Variants in POR observed in about 807,000 individuals in gnomAD.
POR encodes the protein cytochrome p450 oxidoreductase, also known as NADPH--cytochrome P450 reductase.
In POR, 56 loss-of-function variants were observed where a neutral mutation model predicts 84.0. The observed-to-expected ratio is 0.67, with a 90% confidence interval of 0.54 to 0.83. The LOEUF is 0.83. POR is among the 40% of genes least tolerant of loss of function. POR has a pLI of 0.00. For missense variants in POR, 938 were observed against 944.3 expected (o/e 0.99, Z 0.09); for synonymous variants, 414 against 400.5 (o/e 1.03, Z -0.40).
In POR at chr7:75,930,774, G is replaced by A. The variant is rs144149216; in HGVS notation, c.-5+15595G>A. On this transcript the variant is annotated intron_variant, in intron 1 of 15. Coordinates refer to ENST00000461988, the MANE Select transcript of POR (RefSeq NM_000941.3). The stretch of plus-strand genomic sequence containing the variant: ...TGACCTCAGGTGATCCGCCCACCTC[G>A]ACCTCCCAGAGTGCTGGGATTACAG... Among the ~76,000 whole-genome samples the A allele has an allele frequency of 9.0e-3, 1,373 of 151,936 alleles. 26 individuals are homozygous for A. Among genetic ancestry groups the A allele is most frequent in the African/African-American group, 0.031 (1,287 of 41,460 alleles).
intron 1 of POR, among the ~76,000 whole-genome samples, chr7:75,916,495 G>T (rs1263895051): frequency 6.6e-6 from 1 of 152,006 alleles, no homozygotes; most frequent in Non-Finnish European, 1.5e-5. Context: ...TTTGGGAGGA[G>T]GGCTGTTTTA....
At chr7:75,967,135 C>A (rs968069877) in intron 2 of POR, among the ~76,000 whole-genome samples, 1 of 152,152 alleles carries the variant, frequency 6.6e-6, no homozygotes, top group Admixed American at 6.5e-5. Flanking sequence ...CCTCTACACC[C>A]GGCTAATTTT....
At chr7:75,916,777 A>C (rs1374010849) in intron 1 of POR, among the ~76,000 whole-genome samples, 3 of 152,192 alleles carry the variant, frequency 2.0e-5, no homozygotes, top group Admixed American at 6.6e-5. Context: ...TCCTGAAAAC[A>C]GCAGCATTGA....
intron 8 of POR, among the ~76,000 whole-genome samples, chr7:75,982,696 A>G (rs1554558300): frequency 6.6e-6 from 1 of 152,212 alleles, no homozygotes; most frequent in African/African-American, 2.4e-5. Context: ...TGTGCCCTTG[A>G]TGGCCCCTGG....
intron 2 of POR, among the ~76,000 whole-genome samples, chr7:75,970,226 C>G (rs1297292880): frequency 1.3e-5 from 2 of 152,018 alleles, no homozygotes; most frequent in African/African-American, 2.4e-5. Flanking sequence ...TTCTAATTAT[C>G]CTTATTGTTG....
chr7:75,980,586 C>T (rs907989926), intron 5 of POR, 98 bp downstream of exon 5: 1 of 1,609,836 alleles, frequency 6.2e-7, no homozygotes, highest in South Asian at 1.1e-5. Flanking sequence ...TCCAGACCCC[C>T]ACCCTGTCCT....
Position 75,950,766 on chromosome 7 carries a change from C to T in POR, c.-4-3223C>T, listed in dbSNP as rs148385542. ...CAGAATTCACTTTGTCCTTTAATGT[C>T]ATATCAAAAAAGCTGGCCAGGTGCA... On this transcript the variant is annotated intron_variant, in intron 1 of 15. Transcript: ENST00000461988. Among the ~76,000 whole-genome samples the T allele has an allele frequency of 3.7e-3, 564 of 152,278 alleles. 3 individuals are homozygous for T. Among genetic ancestry groups the T allele is most frequent in the African/African-American group, 0.013 (531 of 41,554 alleles).
intron 1 of POR, among the ~76,000 whole-genome samples, chr7:75,925,965 G>A (rs1807094653): frequency 6.6e-6 from 1 of 151,670 alleles, no homozygotes; most frequent in Non-Finnish European, 1.5e-5. Flanking sequence ...CAAAGTGAAG[G>A]TTCTGAAGCT....
chr7:75,953,891 C>A, intron 1 of POR, 98 bp from the exon 2 acceptor site: 2 of 970,194 alleles, frequency 2.1e-6, no homozygotes, highest in Non-Finnish European at 3.0e-6. Context: ...TTCCTGCAGC[C>A]CCAGGGGCAA....
chr7:75,920,056 CTTTTTTTTTTTTTTTT>C (rs71519397), intron 1 of POR, among the ~76,000 whole-genome samples: 2 of 76,520 alleles, frequency 2.6e-5, no homozygotes, highest in Non-Finnish European at 5.0e-5. Context: ...AGTTGAATTT[CTTTTTTTTTTTTTTTT>C]TTTTTTTTTT....
At chr7:75,927,050 C>T (rs1807165338) in intron 1 of POR, among the ~76,000 whole-genome samples, 1 of 152,166 alleles carries the variant, frequency 6.6e-6, no homozygotes, top group Non-Finnish European at 1.5e-5. Context: ...TCTTGAAGGG[C>T]AGACAGATGG....
intron 1 of POR, chr7:75,921,030 T>C (rs1806830349): frequency 6.6e-6 from 1 of 152,230 alleles, no homozygotes; most frequent in Non-Finnish European, 1.5e-5. Context: ...CATGGACACG[T>C]TGGACGCGTT....
chr7:75,959,323 C>T lies in POR; in HGVS notation c.188+5143C>T, dbSNP rs541774273. Among the ~76,000 whole-genome samples, 14 of 152,296 alleles carry T rather than the reference C, an allele frequency of 9.2e-5. No individual in the cohort carries two copies. The East Asian group carries it at 2.5e-3, about 27-fold the overall frequency. ...TCAGTGTCCCTGGCTACCGGTATTT[C>T]AGTGAGCACAGGTGATTTCTGTTAT... On this transcript the variant is annotated intron_variant, in intron 2 of 15. Coordinates refer to ENST00000461988, the MANE Select transcript of POR (RefSeq NM_000941.3).
At chr7:75,919,814 G>T (rs1806765093) in intron 1 of POR, among the ~76,000 whole-genome samples, 1 of 152,108 alleles carries the variant, frequency 6.6e-6, no homozygotes, top group South Asian at 2.1e-4. Context: ...GTTGATGTGG[G>T]AAGCTTATTT....
chr7:75,977,962 G>A (rs190951802), intron 3 of POR, among the ~76,000 whole-genome samples: 119 of 152,288 alleles, frequency 7.8e-4, no homozygotes, highest in African/African-American at 2.8e-3. Context: ...CAGCCCCAAC[G>A]GGCTCTGGGG....
chr7:75,930,732 G>A (rs1202092112), intron 1 of POR, among the ~76,000 whole-genome samples: 7 of 152,068 alleles, frequency 4.6e-5, no homozygotes, highest in African/African-American at 1.7e-4. Flanking sequence ...ATGTTGGTTA[G>A]GCTGGTCTCC....
chr7:75,950,436 A>C (rs1282822509), intron 1 of POR, among the ~76,000 whole-genome samples: 1 of 152,194 alleles, frequency 6.6e-6, no homozygotes, highest in Non-Finnish European at 1.5e-5. Flanking sequence ...GGTGAGGGAC[A>C]GGGAGCGCGA....
At chr7:75,964,107 C>G (rs1788064694) in intron 2 of POR, among the ~76,000 whole-genome samples, 1 of 151,318 alleles carries the variant, frequency 6.6e-6, no homozygotes, top group African/African-American at 2.4e-5. Flanking sequence ...CCAAGTGATT[C>G]TCCTGCCTCA....
chr7:75,974,674 G>A (rs1426020270), intron 3 of POR, among the ~76,000 whole-genome samples: 6 of 151,762 alleles, frequency 4.0e-5, no homozygotes, highest in African/African-American at 4.8e-5. Context: ...TTACAGGTGC[G>A]TGCTACCATG....
Sources: gnomAD v4.1 joint callset for allele counts (sites outside exome capture counted in the v4.1 genomes callset) on GRCh38, gnomAD v4.1.1 for gene constraint, MANE v1.5 for transcripts, NCBI Gene and HGNC (gene_info 2026-07-23, HGNC 2026-07-21) for gene names.